TIMM17A: variants seen among roughly 807,000 people sequenced by gnomAD.
TIMM17A encodes the protein translocase of inner mitochondrial membrane 17A, also known as mitochondrial import inner membrane translocase subunit Tim17-A.
TIMM17A carries 15 observed loss-of-function variants against 26.5 expected under a neutral mutation model. The ratio of observed to expected loss-of-function variants is 0.57; its 90% CI spans 0.38 to 0.87. The LOEUF is 0.87. Among genes scored for constraint, TIMM17A ranks in the 40% least tolerant of loss-of-function variants. TIMM17A has a pLI of 0.00. For synonymous variants in TIMM17A, 80 were observed against 70.8 expected, an observed-to-expected ratio of 1.13 and a Z score of -0.66; for missense variants, 201 against 210.0, an observed-to-expected ratio of 0.96 and a Z score of 0.27.
At chr1:201,967,827 G>A (rs912854223) in intron 5 of TIMM17A, among the ~76,000 whole-genome samples, 9 of 151,806 alleles carry the variant, frequency 5.9e-5, no homozygotes, top group Admixed American at 1.3e-4. Flanking sequence ...GTGAGCCACC[G>A]TGCCCAGCTG....
intron 3 of TIMM17A, among the ~76,000 whole-genome samples, chr1:201,959,964 G>A (rs1361645668): frequency 6.6e-6 from 1 of 151,800 alleles, no homozygotes; most frequent in Non-Finnish European, 1.5e-5. Context: ...TCACACCACT[G>A]TACTCCAGCC....
At chr1:201,957,206 C>T in intron 1 of TIMM17A, 75 bp from the exon 2 acceptor site, 1 of 947,894 alleles carries the variant, frequency 1.1e-6, no homozygotes, top group Non-Finnish European at 1.7e-6. Flanking sequence ...CCATTATAAT[C>T]CTTACTGTAT....
At chr1:201,958,207 G>A (rs181198111) in intron 3 of TIMM17A, among the ~76,000 whole-genome samples, 21 of 152,238 alleles carry the variant, frequency 1.4e-4, no homozygotes, top group Admixed American at 1.0e-3. Context: ...TGAAGAGAAT[G>A]TGATCTGAAG....
At chr1:201,966,928 T>C (rs1285826012) in intron 5 of TIMM17A, among the ~76,000 whole-genome samples, 1 of 147,766 alleles carries the variant, frequency 6.8e-6, no homozygotes, top group African/African-American at 2.5e-5. Context: ...ATGTATGTTA[T>C]ATGTTGTATA....
chr1:201,968,918 T>C (rs1366013407), intron 5 of TIMM17A, among the ~76,000 whole-genome samples: 1 of 151,834 alleles, frequency 6.6e-6, no homozygotes, highest in Non-Finnish European at 1.5e-5. Context: ...TTTTACTTAG[T>C]TCACAGGCTC....
At position 201,957,510 on chromosome 1, in the gene TIMM17A, G is replaced by C. The variant is rs1300292318; in HGVS notation, c.127-1G>C. 1.2e-6 allele frequency: 2 copies of C among 1,612,888 alleles called. No individual in the cohort carries two copies. Among genetic ancestry groups the C allele is most frequent in the East Asian group, 2.2e-5 (1 of 44,882 alleles). On this transcript the variant is annotated splice_acceptor_variant, in intron 2 of 5. Transcript: ENST00000367287. LOFTEE classifies it high-confidence loss of function. ...TTGTTGCTTCCTTTTTTTTGTTATA[G>C]GGAGTAAACCACAGACTACGAGGGA... is the stretch of plus-strand genomic sequence containing the variant.
chr1:201,964,837 A>G (rs1329002445), intron 4 of TIMM17A, among the ~76,000 whole-genome samples: 1 of 148,458 alleles, frequency 6.7e-6, no homozygotes, highest in Non-Finnish European at 1.5e-5. Context: ...TTTAGTGGAG[A>G]CGGGGTTTTA....
intron 5 of TIMM17A, among the ~76,000 whole-genome samples, chr1:201,968,621 G>A (rs1211731812): frequency 6.6e-5 from 10 of 151,896 alleles, no homozygotes; most frequent in East Asian, 1.9e-4. Context: ...TGATCTGCCC[G>A]CCTCAACCTC....
intron 4 of TIMM17A, among the ~76,000 whole-genome samples, chr1:201,964,538 C>T (rs2102944696): frequency 6.6e-6 from 1 of 151,550 alleles, no homozygotes; most frequent in East Asian, 1.9e-4. Context: ...CCTAAATCTG[C>T]TGTCATAGCA....
At chr1:201,965,692 T>A in intron 5 of TIMM17A, 149 bp downstream of exon 5, 1 of 654,892 alleles carries the variant, frequency 1.5e-6, no homozygotes, top group Non-Finnish European at 2.6e-6. Flanking sequence ...AAAATGAACA[T>A]GTTATATTTA....
intron 3 of TIMM17A, among the ~76,000 whole-genome samples, chr1:201,960,248 C>CTG (rs1682500623): frequency 6.6e-6 from 1 of 151,780 alleles, no homozygotes; most frequent in African/African-American, 2.4e-5. Context: ...AAAAATACAC[C>CTG]AATTAGCCGG....
intron 3 of TIMM17A, among the ~76,000 whole-genome samples, chr1:201,961,043 C>T (rs1682513600): frequency 6.6e-6 from 1 of 151,892 alleles, no homozygotes; most frequent in Non-Finnish European, 1.5e-5. Context: ...AGCCACCACG[C>T]CCGGACTTAG....
chr1:201,969,305 G>A (rs1159482384), intron 5 of TIMM17A, among the ~76,000 whole-genome samples, 164 bp from the exon 6 acceptor site: 1 of 152,188 alleles, frequency 6.6e-6, no homozygotes. Context: ...AGGTTCTCCA[G>A]TACTCTTATG....
At chr1:201,958,511 T>C (rs1256545186) in intron 3 of TIMM17A, among the ~76,000 whole-genome samples, 1 of 152,254 alleles carries the variant, frequency 6.6e-6, no homozygotes, top group Non-Finnish European at 1.5e-5. Context: ...GAGACCAGCC[T>C]GGGCAGCATG....
chr1:201,964,658 T>A lies in TIMM17A; in HGVS notation c.320-775T>A, dbSNP rs1009896778. Among the ~76,000 whole-genome samples the A allele has an allele frequency of 2.9e-4, 39 of 134,030 alleles. 1 individual carries two copies. Among genetic ancestry groups the A allele is most frequent in the South Asian group, 4.7e-4 (2 of 4,212 alleles). 87.9% of individuals were successfully genotyped at this position (134,030 alleles called of 152,430 possible). ...TTCTTTTTTTTTTTTTTTTTTTTTT[T>A]TTTTTTTTGAGACTGAGTCTCACTC... is the stretch of plus-strand genomic sequence containing the variant. On this transcript the variant is annotated intron_variant, in intron 4 of 5. Transcript: ENST00000367287.
intron 3 of TIMM17A, among the ~76,000 whole-genome samples, chr1:201,959,734 G>A (rs1285184265): frequency 2.0e-5 from 3 of 152,050 alleles, no homozygotes; most frequent in Non-Finnish European, 4.4e-5. Flanking sequence ...CAGCACTTTC[G>A]GAGGCCGAGG....
chr1:201,966,339 T>C (rs571357334), intron 5 of TIMM17A, among the ~76,000 whole-genome samples: 34 of 151,454 alleles, frequency 2.2e-4, no homozygotes, highest in South Asian at 1.0e-3. Flanking sequence ...TCTAGGCTGG[T>C]CGATGGAGCG....
At chr1:201,966,783 A>G (rs961421120) in intron 5 of TIMM17A, among the ~76,000 whole-genome samples, 17 of 150,500 alleles carry the variant, frequency 1.1e-4, no homozygotes, top group African/African-American at 4.1e-4. Flanking sequence ...CAGAGATTGC[A>G]GTGAGCTGAG....
chr1:201,967,075 A>G (rs60562823), intron 5 of TIMM17A, among the ~76,000 whole-genome samples: 2,943 of 150,274 alleles, frequency 0.02, 102 homozygotes, highest in African/African-American at 0.068. Context: ...GGGAAGGAAA[A>G]AAATACGTAG....
Sources: allele counts gnomAD v4.1 joint callset (sites outside exome capture counted in the v4.1 genomes callset), GRCh38; gene constraint gnomAD v4.1.1; transcripts MANE v1.5; gene names NCBI Gene and HGNC (gene_info 2026-07-23, HGNC 2026-07-21).